EEF1G: variants seen among roughly 807,000 people sequenced by gnomAD.
EEF1G encodes the protein eukaryotic translation elongation factor 1 gamma, also known as elongation factor 1-gamma.
Under a neutral mutation model 58.3 loss-of-function variants are expected in EEF1G, and 14 were observed. That is an observed-to-expected ratio of 0.24 (90% CI 0.16 to 0.38). EEF1G has a LOEUF of 0.38. Ranked by LOEUF, EEF1G falls within the 10% of genes least tolerant of loss-of-function variation. The pLI is 1.00. For synonymous variants in EEF1G, 180 were observed against 206.8 expected, an observed-to-expected ratio of 0.87 and a Z score of 1.11; for missense variants, 322 against 550.1, an observed-to-expected ratio of 0.59 and a Z score of 4.15.
At chr11:62,570,206 C>A (rs1011849056) in intron 5 of EEF1G, among the ~76,000 whole-genome samples, 5 of 151,666 alleles carry the variant, frequency 3.3e-5, no homozygotes, top group Non-Finnish European at 5.9e-5. Context: ...GGATTACAGG[C>A]TCCTACCACC....
intron 7 of EEF1G, among the ~76,000 whole-genome samples, chr11:62,563,114 C>G (rs1941517665): frequency 6.7e-6 from 1 of 149,474 alleles, no homozygotes; most frequent in South Asian, 2.2e-4. Flanking sequence ...GTCAAAAAAA[C>G]AAAACAATCC....
In EEF1G at chr11:62,566,808, C is replaced by T. The variant is rs1941561039; in HGVS notation, c.855G>A (p.Lys285=). ...CCTCCACCCTCCAATATCCTTACCTCTTGGGCAGGTGAGCGAAGGGGTCCT... is the reference window on the plus strand; with the variant it reads ...CCTCCACCCTCCAATATCCTTACCTTTTGGGCAGGTGAGCGAAGGGGTCCT... ...KAKDPFAHLP[K]STFVLDEFKR... The change falls in exon 7 of 10, where the codon AAG becomes AAA. Residue 285 remains lysine, a splice_region_variant and synonymous_variant. Coordinates refer to ENST00000329251, the MANE Select transcript of EEF1G (RefSeq NM_001404.5). 6.8e-6 allele frequency: 11 copies of T among 1,613,538 alleles called. No homozygotes were observed. Among genetic ancestry groups the T allele is most frequent in the Non-Finnish European group, 9.3e-6 (11 of 1,179,720 alleles).
chr11:62,567,681 TTAC>T lies in EEF1G; in HGVS notation c.523-156_523-154del, dbSNP rs551029683. ...TCATACAACATCATCCTTCCCTGGA[TTAC>T]TTCCCATTTCTTCATTTTTTTCAAT... On this transcript the variant is annotated intron_variant, in intron 5 of 9. Transcript: ENST00000329251. Among the ~76,000 whole-genome samples the T allele has an allele frequency of 1.7e-3, 253 of 151,966 alleles. 1 individual carries two copies. The highest frequency in any genetic ancestry group is 5.9e-3 in the African/African-American group (245 of 41,450).
At chr11:62,567,345 G>A in intron 6 of EEF1G, 54 bp downstream of exon 6, 1 of 1,557,802 alleles carries the variant, frequency 6.4e-7, no homozygotes, top group Non-Finnish European at 8.7e-7. Flanking sequence ...GGTTGATGCA[G>A]AGCAAACCAG....
chr11:62,566,455 AC>A (rs1040431238), intron 7 of EEF1G, among the ~76,000 whole-genome samples: 3 of 152,228 alleles, frequency 2.0e-5, no homozygotes, highest in African/African-American at 7.2e-5. Flanking sequence ...GGCTCTCTGC[AC>A]TTTCTTCCTC....
chr11:62,562,825 G>C (rs1453253522), intron 7 of EEF1G, among the ~76,000 whole-genome samples: 1 of 152,066 alleles, frequency 6.6e-6, no homozygotes, highest in African/African-American at 2.4e-5. Flanking sequence ...ATTTTTCAAA[G>C]ATGTAGCCAT....
At position 62,559,604 on chromosome 11, in the gene EEF1G, A is replaced by C. The variant is rs1378035255; in HGVS notation, c.*75T>G. Reference sequence around the variant, plus strand: ...AAGGAGGCAGGACAGGAAAGGGTTCAATGTTCAGTTTCCTTTAATGACCCC... The same window carrying C: ...AAGGAGGCAGGACAGGAAAGGGTTCCATGTTCAGTTTCCTTTAATGACCCC... On this transcript the variant is annotated 3_prime_UTR_variant, in exon 10 of 10. Coordinates refer to ENST00000329251, the MANE Select transcript of EEF1G (RefSeq NM_001404.5). 3 of 1,554,986 alleles carry C rather than the reference A, an allele frequency of 1.9e-6. No homozygotes were observed. The highest frequency in any genetic ancestry group is 2.6e-6 in the Non-Finnish European group (3 of 1,136,080).
intron 1 of EEF1G, 146 bp from the exon 2 acceptor site, chr11:62,572,888 T>C: frequency 3.1e-6 from 2 of 638,828 alleles, no homozygotes; most frequent in Non-Finnish European, 5.1e-6. Flanking sequence ...TTAGTACTTG[T>C]CATATGTAAT....
chr11:62,572,534 A>G, intron 2 of EEF1G, 50 bp downstream of exon 2: 1 of 1,603,708 alleles, frequency 6.2e-7, no homozygotes, highest in South Asian at 1.1e-5. Flanking sequence ...ACAGAATCGC[A>G]GGGCCTTGGT....
rs369097363 is a variant in EEF1G, at chr11:62,572,910, G to A, written c.13-168C>T. ...TTGTCATATGTAATCAGAATCCTCC[G>A]AAATACCAAGAACAGAACTACACAC... On this transcript the variant is annotated intron_variant, in intron 1 of 9. Coordinates refer to ENST00000329251, the MANE Select transcript of EEF1G (RefSeq NM_001404.5). 3.9e-5 allele frequency: 22 copies of A among 560,838 alleles called. 1 individual carries two copies. The highest frequency in any genetic ancestry group is 1.3e-4 in the African/African-American group (7 of 52,470). 34.7% of individuals were successfully genotyped at this position (560,838 alleles called of 1,614,324 possible).
intron 2 of EEF1G, 22 bp downstream of exon 2, chr11:62,572,562 T>A (rs1315190680): frequency 6.2e-7 from 1 of 1,611,748 alleles, no homozygotes; most frequent in Non-Finnish European, 8.5e-7. Flanking sequence ...AACCGAAGGA[T>A]GCTCCCCATC....
chr11:62,573,524 G>A (rs1015541205), intron 1 of EEF1G: 3 of 516,300 alleles, frequency 5.8e-6, no homozygotes, highest in East Asian at 6.5e-5. Context: ...ACAGAAGTTC[G>A]TCAACCTGCC....
chr11:62,564,527 C>T (rs1020321646), intron 7 of EEF1G, among the ~76,000 whole-genome samples: 4 of 149,644 alleles, frequency 2.7e-5, no homozygotes, highest in Non-Finnish European at 5.9e-5. Context: ...CTTTGGGAGG[C>T]GGAGACGGGC....
At chr11:62,564,881 C>T (rs1027217351) in intron 7 of EEF1G, among the ~76,000 whole-genome samples, 1 of 150,228 alleles carries the variant, frequency 6.7e-6, no homozygotes, top group Admixed American at 6.7e-5. Flanking sequence ...TCCTAGCTAA[C>T]ACGGTGAAAC....
intron 4 of EEF1G, 63 bp from the exon 5 acceptor site, chr11:62,571,171 T>G (rs1941626266): frequency 6.2e-7 from 1 of 1,609,580 alleles, no homozygotes; most frequent in East Asian, 2.2e-5. Flanking sequence ...ACCTCCCCCA[T>G]TAATAGAACT....
intron 1 of EEF1G, chr11:62,573,472 C>T (rs1370562660): frequency 5.6e-6 from 2 of 359,314 alleles, no homozygotes; most frequent in African/African-American, 4.2e-5. Context: ...TACAAAGACC[C>T]TCCTCTTCAA....
At chr11:62,572,878 T>A in intron 1 of EEF1G, 136 bp from the exon 2 acceptor site, 5 of 743,918 alleles carry the variant, frequency 6.7e-6, no homozygotes, top group Non-Finnish European at 1.1e-5. Context: ...ACCAAGTCCT[T>A]TAGTACTTGT....
chr11:62,569,892 C>G (rs1941605460), intron 5 of EEF1G, among the ~76,000 whole-genome samples: 1 of 152,150 alleles, frequency 6.6e-6, no homozygotes, highest in African/African-American at 2.4e-5. Context: ...ACTTGTCATT[C>G]TTTTTTGACC....
intron 5 of EEF1G, among the ~76,000 whole-genome samples, chr11:62,570,468 G>A (rs1027452932): frequency 1.3e-5 from 2 of 152,178 alleles, no homozygotes; most frequent in African/African-American, 4.8e-5. Flanking sequence ...AAACATCTTA[G>A]CTGCCAAACA....
Sources: allele counts gnomAD v4.1 joint callset (sites outside exome capture counted in the v4.1 genomes callset), GRCh38; gene constraint gnomAD v4.1.1; transcripts MANE v1.5; gene names NCBI Gene and HGNC (gene_info 2026-07-23, HGNC 2026-07-21).